FOXP1: variants seen among roughly 807,000 people sequenced by gnomAD.
The protein encoded by FOXP1 is forkhead box P1.
A neutral mutation model predicts 98.2 loss-of-function variants in FOXP1; 15 were observed. That is an observed-to-expected ratio of 0.15 (90% confidence interval 0.10 to 0.24). FOXP1 has a LOEUF of 0.24. FOXP1 is among the 10% of genes least tolerant of loss of function. FOXP1 has a pLI of 1.00. For missense variants in FOXP1, 633 were observed against 848.5 expected (o/e 0.75, Z 3.15); for synonymous variants, 371 against 314.5 (o/e 1.18, Z -1.90).
intron 6 of FOXP1, among the ~76,000 whole-genome samples, chr3:71,149,360 A>G (rs2060466097): frequency 2.0e-5 from 3 of 152,350 alleles, no homozygotes; most frequent in Middle Eastern, 6.8e-3. Flanking sequence ...AGTCTAAAGT[A>G]CATTGTTTTT....
At chr3:71,162,820 G>C (rs1317719050) in intron 6 of FOXP1, among the ~76,000 whole-genome samples, 3 of 152,172 alleles carry the variant, frequency 2.0e-5, no homozygotes, top group Non-Finnish European at 2.9e-5. Flanking sequence ...TCTACTGATA[G>C]TCTAGCTACT....
intron 7 of FOXP1, among the ~76,000 whole-genome samples, chr3:71,103,503 C>A (rs1260701238): frequency 6.6e-6 from 1 of 152,194 alleles, no homozygotes; most frequent in Admixed American, 6.5e-5. Flanking sequence ...CCTGACCGGG[C>A]AGGGTGCCAG....
intron 4 of FOXP1, among the ~76,000 whole-genome samples, chr3:71,329,388 T>C (rs987380702): frequency 1.3e-5 from 2 of 151,794 alleles, no homozygotes; most frequent in Non-Finnish European, 2.9e-5. Flanking sequence ...GGCTGGCTAA[T>C]TTTTTTGTAT....
At chr3:71,340,583 ATTGAG>A (rs2076954497) in intron 4 of FOXP1, among the ~76,000 whole-genome samples, 2 of 152,208 alleles carry the variant, frequency 1.3e-5, no homozygotes, top group African/African-American at 4.8e-5. Flanking sequence ...ACATGTTTGT[ATTGAG>A]TTAGTCCATG....
chr3:71,144,056 G>A (rs1051402161), intron 6 of FOXP1, among the ~76,000 whole-genome samples: 26 of 151,982 alleles, frequency 1.7e-4, no homozygotes, highest in African/African-American at 5.8e-4. Flanking sequence ...AAAAAAAAAA[G>A]TATACAAGTC....
intron 2 of FOXP1, among the ~76,000 whole-genome samples, chr3:71,544,302 G>A (rs1446355327): frequency 2.0e-5 from 3 of 149,910 alleles, no homozygotes; most frequent in Non-Finnish European, 4.4e-5. Context: ...TCTATAAACT[G>A]CTATAGCATT....
At position 70,958,446 on chromosome 3, in the gene FOXP1, C is replaced by T. The variant is rs1370516014; in HGVS notation, c.*801G>A. The T allele has an allele frequency of 4.1e-5, 17 of 417,196 alleles. No homozygotes were observed. The highest frequency in any genetic ancestry group is 2.2e-4 in the Admixed American group (7 of 31,660). The allele number at this position is 417,196 out of a possible 1,614,324, so 25.8% of individuals were successfully genotyped here. A position where few individuals can be genotyped will look rare whatever the true frequency, so the allele number is the denominator to read the frequency against. ...GGAATGTTTTCTGACTTTAGAGAAACGTGGTGATGTCTGAAGGAAGATGGA... is the reference window on the plus strand; with the variant it reads ...GGAATGTTTTCTGACTTTAGAGAAATGTGGTGATGTCTGAAGGAAGATGGA... On this transcript the variant is annotated 3_prime_UTR_variant, in exon 21 of 21. Coordinates refer to ENST00000649528, the MANE Select transcript of FOXP1 (RefSeq NM_001349338.3).
intron 4 of FOXP1, among the ~76,000 whole-genome samples, chr3:71,354,838 G>T (rs1436450457): frequency 1.3e-5 from 2 of 152,140 alleles, no homozygotes; most frequent in African/African-American, 4.8e-5. Context: ...CAGTGGCTAG[G>T]TAATGCTATT....
chr3:71,032,847 T>C (rs550410068), intron 11 of FOXP1, among the ~76,000 whole-genome samples: 4 of 152,290 alleles, frequency 2.6e-5, no homozygotes, highest in African/African-American at 9.6e-5. Flanking sequence ...ATTATAAGAA[T>C]AGGACTTTTC....
chr3:71,541,539 A>G (rs1056549573), intron 2 of FOXP1, among the ~76,000 whole-genome samples: 2 of 152,252 alleles, frequency 1.3e-5, no homozygotes, highest in African/African-American at 2.4e-5. Flanking sequence ...GGCTCTTCAG[A>G]ACAAAGTCTA....
chr3:71,502,103 A>G (rs548013417), intron 2 of FOXP1, among the ~76,000 whole-genome samples: 1 of 152,342 alleles, frequency 6.6e-6, no homozygotes, highest in Admixed American at 6.5e-5. Flanking sequence ...TTGCTCTTTA[A>G]GAATCATGGG....
chr3:71,550,160 G>A (rs975210052), intron 2 of FOXP1, among the ~76,000 whole-genome samples: 5 of 152,128 alleles, frequency 3.3e-5, no homozygotes, highest in African/African-American at 4.8e-5. Context: ...TGGAGTTGGC[G>A]ATGGTACAAA....
intron 11 of FOXP1, among the ~76,000 whole-genome samples, chr3:71,027,126 A>G (rs1415213813): frequency 6.6e-6 from 1 of 152,188 alleles, no homozygotes; most frequent in African/African-American, 2.4e-5. Flanking sequence ...CACTAATCCA[A>G]AAGTTATTAA....
chr3:71,347,075 C>T (rs1210225129), intron 4 of FOXP1, among the ~76,000 whole-genome samples: 1 of 152,148 alleles, frequency 6.6e-6, no homozygotes, highest in African/African-American at 2.4e-5. Flanking sequence ...CTTTACCTCA[C>T]ATATAAATGT....
chr3:71,286,317 G>A (rs1430665362), intron 5 of FOXP1, among the ~76,000 whole-genome samples: 27 of 58,228 alleles, frequency 4.6e-4, no homozygotes, highest in East Asian at 5.7e-4. Context: ...CGCCACCCCC[G>A]CCCCGCCCGC....
At chr3:71,260,041 C>T (rs551971610) in intron 5 of FOXP1, among the ~76,000 whole-genome samples, 5 of 152,238 alleles carry the variant, frequency 3.3e-5, no homozygotes, top group South Asian at 2.1e-4. Context: ...TGGAGTGCAG[C>T]GGCGCAATCT....
At chr3:71,552,549 T>C (rs2045855499) in intron 2 of FOXP1, among the ~76,000 whole-genome samples, 1 of 152,032 alleles carries the variant, frequency 6.6e-6, no homozygotes, top group Non-Finnish European at 1.5e-5. Flanking sequence ...GGAAATTATT[T>C]TTAACAAAAA....
intron 20 of FOXP1, among the ~76,000 whole-genome samples, chr3:70,963,085 A>G (rs1376019103): frequency 4.6e-5 from 7 of 152,218 alleles, no homozygotes; most frequent in African/African-American, 1.2e-4. Flanking sequence ...CAAATAAACA[A>G]AACACGTTTT....
intron 3 of FOXP1, among the ~76,000 whole-genome samples, chr3:71,367,824 A>G (rs2079026475): frequency 1.3e-5 from 2 of 152,216 alleles, no homozygotes; most frequent in African/African-American, 4.8e-5. Flanking sequence ...TTCCAAGACC[A>G]TAATGATGGC....
Sources: gnomAD v4.1 joint callset for allele counts (sites outside exome capture counted in the v4.1 genomes callset) on GRCh38, gnomAD v4.1.1 for gene constraint, MANE v1.5 for transcripts, NCBI Gene and HGNC (gene_info 2026-07-23, HGNC 2026-07-21) for gene names.